Variants in SERINC5 observed in about 807,000 individuals in gnomAD.
SERINC5 encodes the protein chromosome 5 open reading frame 12.
In SERINC5, 41 loss-of-function variants were observed where a neutral mutation model predicts 63.1. The observed-to-expected ratio is 0.65, with a 90% confidence interval of 0.51 to 0.84. The LOEUF (loss-of-function observed/expected upper bound fraction) is 0.84, where lower values mean the gene tolerates loss of function less well. SERINC5 is among the 40% of genes least tolerant of loss of function. The probability of loss-of-function intolerance (pLI) is 0.00; values close to 1 mark genes in which losing one functional copy is unlikely to be tolerated. For synonymous variants in SERINC5, 222 were observed against 215.2 expected, an observed-to-expected ratio of 1.03 and a Z score of -0.28; for missense variants, 523 against 573.0, an observed-to-expected ratio of 0.91 and a Z score of 0.89.
chr5:80,193,732 G>T (rs1749336667), intron 2 of SERINC5, among the ~76,000 whole-genome samples: 1 of 152,150 alleles, frequency 6.6e-6, no homozygotes, highest in Admixed American at 6.6e-5. Flanking sequence ...AGTACAAAAC[G>T]ATTTCCCACC....
In SERINC5 at chr5:80,213,357, C is replaced by G. The variant is rs531210632; in HGVS notation, c.28-10304G>C. Among the ~76,000 whole-genome samples, 7 of 152,236 alleles carry G rather than the reference C, an allele frequency of 4.6e-5. No individual in the cohort carries two copies. The East Asian group carries it at 1.2e-3, about 25-fold the overall frequency. On this transcript the variant is annotated intron_variant, in intron 1 of 11. Coordinates refer to ENST00000507668, the MANE Select transcript of SERINC5 (RefSeq NM_001174072.3). Reference sequence around the variant, plus strand: ...TGCAAGGCACAACAATTATTATTACCTGTTACAATCATCCCTATTTTACAG... The same window carrying G: ...TGCAAGGCACAACAATTATTATTACGTGTTACAATCATCCCTATTTTACAG...
At chr5:80,164,309 A>T (rs1398432091) in intron 7 of SERINC5, among the ~76,000 whole-genome samples, 6 of 118,116 alleles carry the variant, frequency 5.1e-5, no homozygotes, top group African/African-American at 1.0e-4. Context: ...TGTTTTGTTG[A>T]TCCTCTGTAT....
At position 80,146,189 on chromosome 5, in the gene SERINC5, T is replaced by A; in HGVS notation, c.1139A>T (p.Tyr380Phe). ...QPGKEGPRVI[Y>F]DEKKGTVYIY... Reference sequence around the variant, plus strand: ...GTAGACGGTGCCTTTCTTCTCGTCATAAATGACCCGTGGTCCCTCCTTCCC... The same window carrying A: ...GTAGACGGTGCCTTTCTTCTCGTCAAAAATGACCCGTGGTCCCTCCTTCCC... Residue 380 changes from tyrosine (Y) to phenylalanine (F), a missense_variant, in exon 11 of 12, where the codon TAT becomes TTT. Coordinates refer to ENST00000507668, the MANE Select transcript of SERINC5 (RefSeq NM_001174072.3). 6.2e-7 allele frequency: 1 copy of A among 1,614,028 alleles called. No individual in the cohort carries two copies. Among genetic ancestry groups the A allele is most frequent in the Middle Eastern group, 1.6e-4 (1 of 6,062 alleles).
chr5:80,161,036 G>A (rs1379555088), intron 7 of SERINC5, among the ~76,000 whole-genome samples: 1 of 124,836 alleles, frequency 8.0e-6, no homozygotes, highest in Non-Finnish European at 1.6e-5. Flanking sequence ...ATACACACGT[G>A]TATATATATA....
chr5:80,164,950 C>T (rs1321151107), intron 7 of SERINC5, among the ~76,000 whole-genome samples: 2 of 115,658 alleles, frequency 1.7e-5, no homozygotes, highest in Admixed American at 2.0e-4. Flanking sequence ...TGCTATGTTG[C>T]CAAGGCTGGT....
At chr5:80,220,460 A>C (rs915916819) in intron 1 of SERINC5, among the ~76,000 whole-genome samples, 3 of 152,170 alleles carry the variant, frequency 2.0e-5, no homozygotes, top group Non-Finnish European at 4.4e-5. Flanking sequence ...AACAGATCTT[A>C]ATTACTGTTA....
At chr5:80,114,067 C>T (rs1179448560) in intron 11 of SERINC5, among the ~76,000 whole-genome samples, 1 of 152,056 alleles carries the variant, frequency 6.6e-6, no homozygotes, top group African/African-American at 2.4e-5. Flanking sequence ...ATTTCTTCAG[C>T]ACCGTCTCCA....
chr5:80,208,673 AG>A (rs1750289314), intron 1 of SERINC5, among the ~76,000 whole-genome samples: 1 of 152,172 alleles, frequency 6.6e-6, no homozygotes, highest in Non-Finnish European at 1.5e-5. Flanking sequence ...CACACGCAAA[AG>A]GGAGTCCAAC....
rs1174325559 is a variant in SERINC5, at chr5:80,229,050, T to TGGGGGGTGG, written c.28-25998_28-25997insCCACCCCCC. Among the ~76,000 whole-genome samples, 12 of 94,162 alleles carry TGGGGGGTGG rather than the reference T, an allele frequency of 1.3e-4. 1 individual carries two copies. In the East Asian group the frequency reaches 1.4e-3, roughly 11 times the overall value. 61.8% of individuals were successfully genotyped at this position (94,162 alleles called of 152,430 possible). On this transcript the variant is annotated intron_variant, in intron 1 of 11. Coordinates refer to ENST00000507668, the MANE Select transcript of SERINC5 (RefSeq NM_001174072.3). The stretch of plus-strand genomic sequence containing the variant: ...TTTTTTTTTTTTTTTTTTTTTTTTT[T>TGGGGGGTGG]GGGGATGGAGTTGCCTAGGCTGGAG...
At chr5:80,174,005 A>ACAC (rs895621649) in intron 5 of SERINC5, among the ~76,000 whole-genome samples, 8 of 152,072 alleles carry the variant, frequency 5.3e-5, no homozygotes, top group Non-Finnish European at 8.8e-5. Flanking sequence ...GTTAGTCCAA[A>ACAC]CACATTATTT....
At chr5:80,154,964 G>A (rs182626669) in intron 8 of SERINC5, among the ~76,000 whole-genome samples, 29 of 152,218 alleles carry the variant, frequency 1.9e-4, no homozygotes, top group Admixed American at 7.8e-4. Flanking sequence ...AAAAAGAGCC[G>A]GGGAGAGACT....
intron 1 of SERINC5, among the ~76,000 whole-genome samples, chr5:80,218,795 C>A (rs1179654895): frequency 1.3e-5 from 2 of 152,104 alleles, no homozygotes; most frequent in African/African-American, 4.8e-5. Context: ...TAAATCACCC[C>A]ACGTGCAGAT....
chr5:80,243,192 A>G (rs568837066), intron 1 of SERINC5, among the ~76,000 whole-genome samples: 5 of 152,238 alleles, frequency 3.3e-5, no homozygotes, highest in African/African-American at 1.2e-4. Flanking sequence ...TTAGTTCTAC[A>G]ATTATTTTTT....
At chr5:80,229,340 A>ATTTTTT (rs1751333637) in intron 1 of SERINC5, among the ~76,000 whole-genome samples, 1 of 107,778 alleles carries the variant, frequency 9.3e-6, no homozygotes, top group African/African-American at 4.0e-5. Context: ...ATACTTACAC[A>ATTTTTT]ATTTTTTTTT....
chr5:80,208,142 C>G (rs1325160198), intron 1 of SERINC5, among the ~76,000 whole-genome samples: 1 of 152,008 alleles, frequency 6.6e-6, no homozygotes, highest in Non-Finnish European at 1.5e-5. Flanking sequence ...AAAGTTACAG[C>G]ATATAAAAAA....
At chr5:80,145,634 C>T (rs1398600917) in intron 11 of SERINC5, among the ~76,000 whole-genome samples, 2 of 152,082 alleles carry the variant, frequency 1.3e-5, no homozygotes, top group Non-Finnish European at 2.9e-5. Flanking sequence ...CCTTCATTAC[C>T]ATGTTTTCCA....
chr5:80,141,895 G>A lies in SERINC5; in HGVS notation c.*1768C>T. 1.0e-6 allele frequency: 1 copy of A among 985,388 alleles called. No individual in the cohort carries two copies. 61.0% of individuals were successfully genotyped at this position (985,388 alleles called of 1,614,324 possible). A position where few individuals can be genotyped will look rare whatever the true frequency, so the allele number is the denominator to read the frequency against. Reference sequence around the variant, plus strand: ...ACTGAATCTCAAACACTCTAAGTAGGGAAAGTTCTAAAGGAATTCATCCCC... The same window carrying A: ...ACTGAATCTCAAACACTCTAAGTAGAGAAAGTTCTAAAGGAATTCATCCCC... On this transcript the variant is annotated 3_prime_UTR_variant, in exon 12 of 12. Transcript: ENST00000507668.
At chr5:80,160,729 T>C (rs2112352337) in intron 7 of SERINC5, among the ~76,000 whole-genome samples, 1 of 152,122 alleles carries the variant, frequency 6.6e-6, no homozygotes, top group South Asian at 2.1e-4. Context: ...TTCACTATCA[T>C]TCCACACTCA....
chr5:80,199,484 T>C (rs1749699337), intron 2 of SERINC5, among the ~76,000 whole-genome samples: 1 of 152,228 alleles, frequency 6.6e-6, no homozygotes, highest in Non-Finnish European at 1.5e-5. Context: ...TCACGAAGCC[T>C]TTCCTAGCAA....
Sources: gnomAD v4.1 joint callset for allele counts (sites outside exome capture counted in the v4.1 genomes callset) on GRCh38, gnomAD v4.1.1 for gene constraint, MANE v1.5 for transcripts, NCBI Gene and HGNC (gene_info 2026-07-23, HGNC 2026-07-21) for gene names.